The following UNC13C variants were observed in gnomAD, a reference collection of about 807,000 sequenced individuals.
UNC13C encodes unc-13 homolog C.
UNC13C carries 174 observed loss-of-function variants against 245.4 expected under a neutral mutation model. That is an observed-to-expected ratio of 0.71 (90% CI 0.63 to 0.80). The LOEUF (loss-of-function observed/expected upper bound fraction) is 0.80, where lower values mean the gene tolerates loss of function less well. Ranked by LOEUF, UNC13C falls within the 30% of genes least tolerant of loss-of-function variation. The pLI is 0.00. For synonymous variants in UNC13C, 992 were observed against 895.1 expected, an observed-to-expected ratio of 1.11 and a Z score of -1.93; for missense variants, 2,829 against 2,602.9, an observed-to-expected ratio of 1.09 and a Z score of -1.89.
chr15:53,860,958 A>G, the UNC13C span, among the ~76,000 whole-genome samples: 11 of 152,186 alleles, frequency 7.2e-5, no homozygotes, highest in African/African-American at 2.7e-4. Flanking sequence ...CAGTTGATGT[A>G]CATTTGATTT....
At chr15:53,977,733 C>T (rs1006552795), upstream of UNC13C, among the ~76,000 whole-genome samples, 8 of 152,042 alleles carry the variant, frequency 5.3e-5, no homozygotes, top group Non-Finnish European at 1.2e-4. Context: ...AACTGTTACT[C>T]CCCCCACCTC....
chr15:53,925,221 A>G, the UNC13C span, among the ~76,000 whole-genome samples: 1 of 152,246 alleles, frequency 6.6e-6, no homozygotes, highest in Non-Finnish European at 1.5e-5. Context: ...TGAGATTCTT[A>G]TTTCAGATAG....
chr15:53,892,318 C>A, the UNC13C span, among the ~76,000 whole-genome samples: 1 of 152,094 alleles, frequency 6.6e-6, no homozygotes, highest in Non-Finnish European at 1.5e-5. Context: ...TTTTTTTCTT[C>A]ATTTCAACCT....
At chr15:54,299,510 A>C (rs2037520960) in intron 12 of UNC13C, among the ~76,000 whole-genome samples, 1 of 152,128 alleles carries the variant, frequency 6.6e-6, no homozygotes, top group Admixed American at 6.6e-5. Flanking sequence ...AATACGCTCT[A>C]TCATGTAGAA....
At chr15:54,600,146 G>A (rs1899330815) in intron 30 of UNC13C, among the ~76,000 whole-genome samples, 1 of 151,966 alleles carries the variant, frequency 6.6e-6, no homozygotes, top group Non-Finnish European at 1.5e-5. Flanking sequence ...AATTTGTCAG[G>A]GCATAATAAA....
chr15:54,511,698 C>A (rs553475674), intron 23 of UNC13C, 55 bp from the exon 24 acceptor site: 55 of 1,278,682 alleles, frequency 4.3e-5, no homozygotes, highest in Non-Finnish European at 5.8e-5. Flanking sequence ...TAAACTCATT[C>A]AATAATTTTA....
chr15:53,920,784 A>G, the UNC13C span, among the ~76,000 whole-genome samples: 6 of 151,002 alleles, frequency 4.0e-5, no homozygotes, highest in South Asian at 8.5e-4. Context: ...CAGGTGCTCT[A>G]TTAGGCCCTG....
At chr15:54,183,240 T>C (rs1385540402) in intron 4 of UNC13C, among the ~76,000 whole-genome samples, 1 of 151,766 alleles carries the variant, frequency 6.6e-6, no homozygotes. Context: ...AGTTTAAAAG[T>C]CAGTTGAGTT....
intron 2 of UNC13C, among the ~76,000 whole-genome samples, chr15:54,023,132 C>T (rs1895969174): frequency 6.6e-6 from 1 of 152,156 alleles, no homozygotes; most frequent in Admixed American, 6.5e-5. Context: ...TCATACTTGT[C>T]ACCATAGCTT....
rs1298505776 is a variant in UNC13C at position 54,013,164 on chromosome 15, C to T, written c.261C>T (p.Ser87=). 1 of 1,613,806 alleles carries T rather than the reference C, an allele frequency of 6.2e-7. No homozygotes were observed. Among genetic ancestry groups the T allele is most frequent in the South Asian group, 1.1e-5 (1 of 91,074 alleles). ...TEEDEASKEF[S]LSPTFSYRVA... ...AAGACGAGGCCAGTAAAGAGTTTTCCCTCTCACCAACATTCAGTTACCGAG... is the reference window on the plus strand; with the variant it reads ...AAGACGAGGCCAGTAAAGAGTTTTCTCTCTCACCAACATTCAGTTACCGAG... The change falls in exon 2 of 33, where the codon TCC becomes TCT. Residue 87 remains serine, a synonymous_variant. Transcript: ENST00000260323.
intron 22 of UNC13C, among the ~76,000 whole-genome samples, chr15:54,501,766 A>G (rs1306842907): frequency 3.3e-5 from 5 of 152,154 alleles, no homozygotes; most frequent in South Asian, 2.1e-4. Context: ...TGACAAGGGC[A>G]GGGCTCATAG....
intron 30 of UNC13C, among the ~76,000 whole-genome samples, chr15:54,615,708 A>G (rs1365169031): frequency 1.3e-5 from 2 of 151,806 alleles, no homozygotes; most frequent in Non-Finnish European, 2.9e-5. Context: ...TGTTTTGTTT[A>G]TTTTTCCCCA....
chr15:54,130,603 T>A (rs2031354832), intron 2 of UNC13C, among the ~76,000 whole-genome samples: 1 of 152,120 alleles, frequency 6.6e-6, no homozygotes. Flanking sequence ...ATAATTAATT[T>A]TTAACAGTAT....
At chr15:53,876,101 T>C in the UNC13C span, among the ~76,000 whole-genome samples, 1 of 152,220 alleles carries the variant, frequency 6.6e-6, no homozygotes, top group Admixed American at 6.5e-5. Context: ...TATTTTTCTT[T>C]TTCTAGTGTG....
At chr15:54,571,983 T>C (rs1343729471) in intron 30 of UNC13C, among the ~76,000 whole-genome samples, 7 of 152,196 alleles carry the variant, frequency 4.6e-5, no homozygotes, top group African/African-American at 1.7e-4. Context: ...TTACTTATTT[T>C]TTTAGCTTAT....
chr15:54,157,197 C>T (rs1173390679), intron 4 of UNC13C, among the ~76,000 whole-genome samples: 1 of 152,094 alleles, frequency 6.6e-6, no homozygotes, highest in Non-Finnish European at 1.5e-5. Context: ...GGGAACATTC[C>T]CACATTGCTT....
chr15:54,313,824 T>TA (rs1295389682), intron 13 of UNC13C, among the ~76,000 whole-genome samples: 2 of 151,722 alleles, frequency 1.3e-5, no homozygotes, highest in Non-Finnish European at 3.0e-5. Flanking sequence ...GATATATCTG[T>TA]AGTCCCATGT....
intron 19 of UNC13C, among the ~76,000 whole-genome samples, chr15:54,455,132 T>C (rs1237165784): frequency 6.9e-6 from 1 of 145,272 alleles, no homozygotes; most frequent in Non-Finnish European, 1.5e-5. Flanking sequence ...TGAATGCCAT[T>C]ATTTCATTCC....
At chr15:54,491,471 A>G (rs144514124) in intron 19 of UNC13C, among the ~76,000 whole-genome samples, 2 of 152,202 alleles carry the variant, frequency 1.3e-5, no homozygotes, top group African/African-American at 4.8e-5. Context: ...CAATATGCAT[A>G]TTTGAGTGTT....
Sources: allele counts gnomAD v4.1 joint callset (sites outside exome capture counted in the v4.1 genomes callset), GRCh38; gene constraint gnomAD v4.1.1; transcripts MANE v1.5; gene names NCBI Gene and HGNC (gene_info 2026-07-23, HGNC 2026-07-21).